RASSF8: variants seen among roughly 807,000 people sequenced by gnomAD.
The protein encoded by RASSF8 is Ras association domain family member 8, also known as ras association domain-containing protein 8.
In RASSF8, 22 loss-of-function variants were observed where a neutral mutation model predicts 48.5. The ratio of observed to expected loss-of-function variants is 0.45; its 90% CI spans 0.32 to 0.65. The LOEUF (loss-of-function observed/expected upper bound fraction) is 0.65. RASSF8 is among the 30% of genes least tolerant of loss of function. The pLI is 0.03. For missense variants in RASSF8, 418 were observed against 489.2 expected, an observed-to-expected ratio of 0.85 and a Z score of 1.37; for synonymous variants, 127 against 171.5, an observed-to-expected ratio of 0.74 and a Z score of 2.03.
Position 26,078,821 on chromosome 12 carries a change from A to C in RASSF8, c.1139-212A>C, listed in dbSNP as rs190899243. On this transcript the variant is annotated intron_variant, in intron 5 of 5. Coordinates refer to the RASSF8 transcript ENST00000381352. The stretch of plus-strand genomic sequence containing the variant: ...ATAACCTAAAGATATGTATTTTTAA[A>C]ATTCAGGACATTAAACAAAAATAAT... 5.5e-3 allele frequency among the ~76,000 whole-genome samples: 831 copies of C among 152,300 alleles called. 4 individuals are homozygous for C. The highest frequency in any genetic ancestry group is 0.018 in the African/African-American group (752 of 41,562).
intron 1 of RASSF8, among the ~76,000 whole-genome samples, chr12:25,984,364 A>G (rs764581967): frequency 1.3e-5 from 2 of 150,820 alleles, no homozygotes; most frequent in Admixed American, 6.6e-5. Flanking sequence ...CAGGTGTGAG[A>G]TGGAGTTCTG....
chr12:26,013,784 T>TA (rs556080253), intron 2 of RASSF8, among the ~76,000 whole-genome samples: 11 of 152,304 alleles, frequency 7.2e-5, no homozygotes, highest in East Asian at 3.9e-4. Flanking sequence ...TTCATGTTGA[T>TA]AAAAAAATCC....
At chr12:26,059,595 A>G (rs1419973864) in intron 3 of RASSF8, among the ~76,000 whole-genome samples, 1 of 152,092 alleles carries the variant, frequency 6.6e-6, no homozygotes, top group African/African-American at 2.4e-5. Flanking sequence ...TTTGAGTCTC[A>G]TTGTCTCATT....
At chr12:26,055,905 G>T (rs1348798887) in intron 3 of RASSF8, among the ~76,000 whole-genome samples, 1 of 152,144 alleles carries the variant, frequency 6.6e-6, no homozygotes, top group Non-Finnish European at 1.5e-5. Flanking sequence ...CTTATGATTG[G>T]CTGGGCATGG....
chr12:26,072,719 A>G lies in RASSF8; in HGVS notation c.*3901A>G. 1.0e-6 allele frequency: 1 copy of G among 976,260 alleles called. No individual in the cohort carries two copies. Among genetic ancestry groups the G allele is most frequent in the Non-Finnish European group, 1.2e-6 (1 of 821,622 alleles). 60.5% of individuals were successfully genotyped at this position (976,260 alleles called of 1,614,324 possible). A position where few individuals can be genotyped will look rare whatever the true frequency, so the allele number is the denominator to read the frequency against. ...GCTTTTAGTACTGCTTTGCTTATGT[A>G]CAAATAAATCTGTAATATGTATTAT... On this transcript the variant is annotated 3_prime_UTR_variant, in exon 6 of 6. Coordinates refer to ENST00000689635, the MANE Select transcript of RASSF8 (RefSeq NM_001394098.1).
chr12:26,004,189 C>A (rs12831248), intron 2 of RASSF8, among the ~76,000 whole-genome samples: 19,786 of 152,058 alleles, frequency 0.13, 1,577 homozygotes, highest in East Asian at 0.27. Flanking sequence ...ACATAAAAAA[C>A]AAAACTTCTT....
chr12:26,071,723 T>G lies in RASSF8; in HGVS notation c.*2905T>G, dbSNP rs1944004412. The G allele has an allele frequency of 1.0e-6, 1 of 983,496 alleles. No individual in the cohort carries two copies. Among genetic ancestry groups the G allele is most frequent in the African/African-American group, 1.7e-5 (1 of 57,158 alleles). The allele number at this position is 983,496 out of a possible 1,614,324, so 60.9% of individuals were successfully genotyped here. A position where few individuals can be genotyped will look rare whatever the true frequency, so the allele number is the denominator to read the frequency against. ...GTTACCTATTTAATTCTCCCAGTCATCAATGAGGTAATCATCAATTCCTAT... is the reference window on the plus strand; with the variant it reads ...GTTACCTATTTAATTCTCCCAGTCAGCAATGAGGTAATCATCAATTCCTAT... On this transcript the variant is annotated 3_prime_UTR_variant, in exon 6 of 6. Coordinates refer to ENST00000689635, the MANE Select transcript of RASSF8 (RefSeq NM_001394098.1).
At chr12:26,022,248 G>T (rs1290388380) in intron 2 of RASSF8, among the ~76,000 whole-genome samples, 1 of 152,156 alleles carries the variant, frequency 6.6e-6, no homozygotes, top group Non-Finnish European at 1.5e-5. Context: ...CACTGTCATT[G>T]CTGGTAACTG....
intron 3 of RASSF8, among the ~76,000 whole-genome samples, chr12:26,055,859 G>A (rs560365498): frequency 2.0e-5 from 3 of 152,128 alleles, no homozygotes; most frequent in South Asian, 4.1e-4. Flanking sequence ...AAATAACATC[G>A]TTCTTCACTG....
At chr12:25,996,095 C>A (rs879383620) in intron 2 of RASSF8, among the ~76,000 whole-genome samples, 5 of 152,144 alleles carry the variant, frequency 3.3e-5, no homozygotes, top group Non-Finnish European at 7.4e-5. Flanking sequence ...CTTTTGTAGA[C>A]CCTGGTATGT....
intron 1 of RASSF8, among the ~76,000 whole-genome samples, chr12:25,991,458 G>A (rs990928122): frequency 1.3e-5 from 2 of 151,592 alleles, no homozygotes; most frequent in African/African-American, 4.8e-5. Flanking sequence ...TTTGGATCAG[G>A]GATCCAGGAA....
chr12:26,012,687 T>TTC (rs1412987583), intron 2 of RASSF8, among the ~76,000 whole-genome samples: 2 of 150,356 alleles, frequency 1.3e-5, no homozygotes, highest in African/African-American at 4.9e-5. Flanking sequence ...TTTTTCTTTT[T>TTC]TTTTTTTTTT....
intron 2 of RASSF8, among the ~76,000 whole-genome samples, chr12:26,051,643 G>A (rs902755861): frequency 2.6e-5 from 4 of 152,150 alleles, no homozygotes; most frequent in East Asian, 3.9e-4. Context: ...AAAGATTTCC[G>A]GTACTGTTTT....
At chr12:25,980,558 A>G (rs940569536) in intron 1 of RASSF8, among the ~76,000 whole-genome samples, 10 of 152,222 alleles carry the variant, frequency 6.6e-5, no homozygotes, top group African/African-American at 2.4e-4. Context: ...AAAAGCATCA[A>G]AACACTATGT....
intron 2 of RASSF8, among the ~76,000 whole-genome samples, chr12:26,016,371 C>T (rs11048378): frequency 0.065 from 9,936 of 152,070 alleles, 712 homozygotes; most frequent in East Asian, 0.27. Context: ...TCTCCTTTGG[C>T]CTGAGATTTT....
intron 2 of RASSF8, among the ~76,000 whole-genome samples, chr12:26,012,682 C>CCTT (rs1555164292): frequency 3.0e-5 from 4 of 131,802 alleles, no homozygotes; most frequent in African/African-American, 1.1e-4. Flanking sequence ...GGCCTTTTTT[C>CCTT]TTTTTTTTTT....
At chr12:26,061,492 G>A (rs1209595969) in intron 3 of RASSF8, among the ~76,000 whole-genome samples, 3 of 151,254 alleles carry the variant, frequency 2.0e-5, no homozygotes, top group South Asian at 4.3e-4. Flanking sequence ...AAATTGGATC[G>A]AAATTATTTG....
rs79397207 is a variant in RASSF8 at position 26,007,440 on chromosome 12, A to G, written c.-109+12310A>G. Among the ~76,000 whole-genome samples the G allele has an allele frequency of 1.4e-3, 219 of 152,332 alleles. 2 individuals carry two copies. In the East Asian group the frequency reaches 0.037, roughly 26 times the overall value. Reference sequence around the variant, plus strand: ...GAGGCTTACAGCATCTACTGGAAGGACAGGTAGGTAGTAAGTGGTAATAGT... The same window carrying G: ...GAGGCTTACAGCATCTACTGGAAGGGCAGGTAGGTAGTAAGTGGTAATAGT... On this transcript the variant is annotated intron_variant, in intron 2 of 5. Transcript: ENST00000689635.
intron 2 of RASSF8, among the ~76,000 whole-genome samples, chr12:26,023,230 G>T (rs1350056560): frequency 6.6e-6 from 1 of 152,006 alleles, no homozygotes; most frequent in Non-Finnish European, 1.5e-5. Context: ...GGAAGAAAAA[G>T]GAATAAAAAA....
Sources: gnomAD v4.1 joint callset for allele counts (sites outside exome capture counted in the v4.1 genomes callset) on GRCh38, gnomAD v4.1.1 for gene constraint, MANE v1.5 for transcripts, NCBI Gene and HGNC (gene_info 2026-07-23, HGNC 2026-07-21) for gene names.